ASRGL1: variants seen among roughly 807,000 people sequenced by gnomAD.
ASRGL1 encodes isoaspartyl peptidase/L-asparaginase.
In ASRGL1, 16 loss-of-function variants were observed where a neutral mutation model predicts 22.4. The observed-to-expected ratio is 0.71, with a 90% confidence interval of 0.48 to 1.08. The LOEUF (loss-of-function observed/expected upper bound fraction) is 1.08, where lower values mean the gene tolerates loss of function less well. ASRGL1 is among the 50% of genes least tolerant of loss of function. ASRGL1 has a pLI of 0.00. For missense variants in ASRGL1, 412 were observed against 410.1 expected, an observed-to-expected ratio of 1.00 and a Z score of -0.04; for synonymous variants, 165 against 159.3, an observed-to-expected ratio of 1.04 and a Z score of -0.27.
intron 4 of ASRGL1, among the ~76,000 whole-genome samples, chr11:62,375,428 T>TTATATATATATA (rs71053051): frequency 7.0e-4 from 48 of 68,988 alleles, no homozygotes; most frequent in African/African-American, 7.6e-4. Flanking sequence ...TTGTCTTACT[T>TTATATATATATA]TATATATATA....
At chr11:62,401,223 G>A in the ASRGL1 span, among the ~76,000 whole-genome samples, 2 of 152,206 alleles carry the variant, frequency 1.3e-5, no homozygotes, top group Non-Finnish European at 2.9e-5. Flanking sequence ...GGAGAAATGC[G>A]ATTTTCACGC....
intron 4 of ASRGL1, among the ~76,000 whole-genome samples, chr11:62,369,077 C>T (rs1484062153): frequency 2.6e-5 from 4 of 152,102 alleles, no homozygotes; most frequent in African/African-American, 9.7e-5. Flanking sequence ...TCCCTTCCCA[C>T]GAGGCCATAT....
At chr11:62,365,056 A>C (rs1289596227) in intron 4 of ASRGL1, among the ~76,000 whole-genome samples, 1 of 151,140 alleles carries the variant, frequency 6.6e-6, no homozygotes, top group Non-Finnish European at 1.5e-5. Context: ...GTGACAAGCA[A>C]AACTCCATCT....
chr11:62,338,405 G>T, intron 2 of ASRGL1: 1 of 449,702 alleles, frequency 2.2e-6, no homozygotes, highest in Non-Finnish European at 3.9e-6. Flanking sequence ...ACAGCTCTTG[G>T]GAAATCCTGA....
At chr11:62,389,435 G>A (rs776682154) in intron 5 of ASRGL1, 184 bp downstream of exon 5, 69 of 694,538 alleles carry the variant, frequency 9.9e-5, no homozygotes, top group Middle Eastern at 2.3e-4. Flanking sequence ...CCTTGAGAGG[G>A]TGTTTGTATC....
downstream of ASRGL1, among the ~76,000 whole-genome samples, chr11:62,397,132 C>A (rs1009870316): frequency 6.6e-6 from 1 of 152,124 alleles, no homozygotes; most frequent in Non-Finnish European, 1.5e-5. Flanking sequence ...TGGGTTCAAG[C>A]GATTCTCCTG....
chr11:62,351,808 G>A (rs1287296857), intron 2 of ASRGL1, among the ~76,000 whole-genome samples: 1 of 152,064 alleles, frequency 6.6e-6, no homozygotes, highest in Non-Finnish European at 1.5e-5. Flanking sequence ...AGTAAAGCTG[G>A]AACTGCAGGT....
intron 4 of ASRGL1, among the ~76,000 whole-genome samples, chr11:62,369,966 C>A (rs1229839151): frequency 6.6e-6 from 1 of 152,120 alleles, no homozygotes; most frequent in African/African-American, 2.4e-5. Context: ...ATTGTGAATT[C>A]CACAATCTTG....
chr11:62,392,292 G>A lies in ASRGL1; in HGVS notation c.*8G>A. ...ATCACCGACCTTCCCTAAGCCGCTGGAAGATTGTATTCCAGATGCTAGCTT... is the reference window on the plus strand; with the variant it reads ...ATCACCGACCTTCCCTAAGCCGCTGAAAGATTGTATTCCAGATGCTAGCTT... On this transcript the variant is annotated 3_prime_UTR_variant, in exon 7 of 7. Transcript: ENST00000415229. The A allele has an allele frequency of 6.2e-7, 1 of 1,612,964 alleles. No individual in the cohort carries two copies. Among genetic ancestry groups the A allele is most frequent in the Non-Finnish European group, 8.5e-7 (1 of 1,179,894 alleles).
rs1013635019 is a variant in ASRGL1 at position 62,390,004 on chromosome 11, C to T, written c.610+753C>T. Among the ~76,000 whole-genome samples, 17 of 152,310 alleles carry T rather than the reference C, an allele frequency of 1.1e-4. No individual in the cohort carries two copies. The South Asian group carries it at 1.9e-3, about 17-fold the overall frequency. The stretch of plus-strand genomic sequence containing the variant: ...CTCGACAATTCTTGATACCCTTTTT[C>T]TGTCATGAACTCAGAGACACTGGAA... On this transcript the variant is annotated intron_variant, in intron 5 of 6. Transcript: ENST00000415229.
chr11:62,365,793 G>T (rs1348100217), intron 4 of ASRGL1, among the ~76,000 whole-genome samples: 1 of 152,124 alleles, frequency 6.6e-6, no homozygotes, highest in Admixed American at 6.5e-5. Flanking sequence ...AGGCTGCTGT[G>T]AGCTGAGATG....
intron 4 of ASRGL1, among the ~76,000 whole-genome samples, chr11:62,361,512 A>G (rs1205618327): frequency 7.4e-6 from 1 of 134,632 alleles, no homozygotes; most frequent in Non-Finnish European, 1.6e-5. Flanking sequence ...TTTTTGAGAC[A>G]GAATCTTGTT....
downstream of ASRGL1, among the ~76,000 whole-genome samples, chr11:62,395,275 T>C (rs2134713075): frequency 6.6e-6 from 1 of 152,090 alleles, no homozygotes; most frequent in East Asian, 1.9e-4. Context: ...GTGAACAAGC[T>C]CTGGCAGCCC....
At chr11:62,378,739 A>G (rs1590750015) in intron 4 of ASRGL1, among the ~76,000 whole-genome samples, 1 of 152,148 alleles carries the variant, frequency 6.6e-6, no homozygotes, top group Non-Finnish European at 1.5e-5. Context: ...CGAAGGCTCA[A>G]TATGTCCCTT....
At position 62,374,250 on chromosome 11, in the gene ASRGL1, G is replaced by A. The variant is rs189628004; in HGVS notation, c.492-14883G>A. On this transcript the variant is annotated intron_variant, in intron 4 of 6. Transcript: ENST00000415229. Reference sequence around the variant, plus strand: ...AGTCCCCTTCCTCACATGTCAGCACGGATGCCGTGACTGCCACCCGTGTCC... The same window carrying A: ...AGTCCCCTTCCTCACATGTCAGCACAGATGCCGTGACTGCCACCCGTGTCC... 1.6e-3 allele frequency among the ~76,000 whole-genome samples: 243 copies of A among 152,266 alleles called. 3 individuals are homozygous for A. The highest frequency in any genetic ancestry group is 6.8e-3 in the Middle Eastern group (2 of 294).
chr11:62,358,321 G>A lies in ASRGL1; in HGVS notation c.491+1177G>A, dbSNP rs563843136. On this transcript the variant is annotated intron_variant, in intron 4 of 6. Coordinates refer to ENST00000415229, the MANE Select transcript of ASRGL1 (RefSeq NM_001083926.2). ...GGAGGCAGAGGTTGCGGTGAGCCAAGATCCCACCATTGCACTCTAGCCTGG... is the reference window on the plus strand; with the variant it reads ...GGAGGCAGAGGTTGCGGTGAGCCAAAATCCCACCATTGCACTCTAGCCTGG... Among the ~76,000 whole-genome samples, 11 of 137,604 alleles carry A rather than the reference G, an allele frequency of 8.0e-5. No homozygotes were observed. In the South Asian group the frequency reaches 2.6e-3, roughly 32 times the overall value. 90.3% of individuals were successfully genotyped at this position (137,604 alleles called of 152,430 possible).
At chr11:62,350,791 G>A (rs1946150238) in intron 2 of ASRGL1, among the ~76,000 whole-genome samples, 1 of 152,050 alleles carries the variant, frequency 6.6e-6, no homozygotes, top group Non-Finnish European at 1.5e-5. Context: ...GCAAGACTCT[G>A]TCTCAAAAAA....
At chr11:62,371,187 C>A in intron 4 of ASRGL1, 1 of 1,239,096 alleles carries the variant, frequency 8.1e-7, no homozygotes, top group Non-Finnish European at 1.1e-6. Flanking sequence ...GCTCGGGCAA[C>A]GGCACTGCCC....
chr11:62,380,747 C>A (rs1947045675), intron 4 of ASRGL1, among the ~76,000 whole-genome samples: 3 of 151,932 alleles, frequency 2.0e-5, no homozygotes, highest in Admixed American at 6.6e-5. Context: ...TGTTTTACTC[C>A]CTCTTTCATA....
Sources: gnomAD v4.1 joint callset for allele counts (sites outside exome capture counted in the v4.1 genomes callset) on GRCh38, gnomAD v4.1.1 for gene constraint, MANE v1.5 for transcripts, NCBI Gene and HGNC (gene_info 2026-07-23, HGNC 2026-07-21) for gene names.